MTCL1: variants seen among roughly 807,000 people sequenced by gnomAD.
MTCL1 encodes the protein microtubule crosslinking factor 1.
In MTCL1, 79 loss-of-function variants were observed where a neutral mutation model predicts 141.4. That is an observed-to-expected ratio of 0.56 (90% CI 0.47 to 0.67). The LOEUF (loss-of-function observed/expected upper bound fraction) is 0.67. MTCL1 is among the 30% of genes least tolerant of loss of function. The probability of loss-of-function intolerance (pLI) is 0.00; values close to 1 mark genes in which losing one functional copy is unlikely to be tolerated. For missense variants in MTCL1, 2,177 were observed against 2,113.9 expected (o/e 1.03, Z -0.59); for synonymous variants, 914 against 875.8 (o/e 1.04, Z -0.77).
In MTCL1 at chr18:8,783,512, G is replaced by A. The variant is rs1204564407; in HGVS notation, c.418-18G>A. ...TATTTTCAAATAACCCTTCTCCCGG[G>A]CTGTTCTCTCCTGGCAGGATGACAG... On this transcript the variant is annotated intron_variant, in intron 5 of 16. Transcript: ENST00000359865. 6.3e-7 allele frequency: 1 copy of A among 1,575,184 alleles called. No individual in the cohort carries two copies.
At chr18:8,804,509 G>A (rs2076226692) in intron 10 of MTCL1, among the ~76,000 whole-genome samples, 1 of 152,092 alleles carries the variant, frequency 6.6e-6, no homozygotes, top group Non-Finnish European at 1.5e-5. Flanking sequence ...GAGTATAGTG[G>A]TAATTTATTT....
chr18:8,711,666 T>C (rs1412026309), intron 1 of MTCL1, among the ~76,000 whole-genome samples: 1 of 151,684 alleles, frequency 6.6e-6, no homozygotes, highest in African/African-American at 2.4e-5. Flanking sequence ...TTTCATGTGT[T>C]TTTTGGCTGC....
chr18:8,762,873 T>A (rs2096440008), intron 4 of MTCL1, among the ~76,000 whole-genome samples: 1 of 152,148 alleles, frequency 6.6e-6, no homozygotes, highest in African/African-American at 2.4e-5. Context: ...GCGAGTGTGG[T>A]GCCCGGCTCA....
At chr18:8,775,042 A>C (rs1321861039) in intron 4 of MTCL1, among the ~76,000 whole-genome samples, 4 of 152,016 alleles carry the variant, frequency 2.6e-5, no homozygotes, top group Admixed American at 6.6e-5. Context: ...CCTCATTTGC[A>C]GCAGCCCATG....
chr18:8,742,860 G>A (rs1458004966), intron 4 of MTCL1, among the ~76,000 whole-genome samples: 1 of 152,210 alleles, frequency 6.6e-6, no homozygotes, highest in African/African-American at 2.4e-5. Flanking sequence ...GGGAGGAAGT[G>A]TGACACCAAT....
intron 4 of MTCL1, among the ~76,000 whole-genome samples, chr18:8,774,612 T>C (rs1314641): frequency 0.38 from 57,126 of 152,022 alleles, 12,571 homozygotes; most frequent in African/African-American, 0.6. Context: ...CTTTGTCTCC[T>C]GAGTAGCTGG....
At chr18:8,754,877 A>G (rs1035699166) in intron 4 of MTCL1, among the ~76,000 whole-genome samples, 1 of 152,184 alleles carries the variant, frequency 6.6e-6, no homozygotes, top group Non-Finnish European at 1.5e-5. Context: ...CATAGCTTGC[A>G]GGTGGAGTAC....
chr18:8,778,062 A>C (rs907310539), intron 5 of MTCL1, 170 bp downstream of exon 4: 2 of 522,570 alleles, frequency 3.8e-6, no homozygotes, highest in African/African-American at 3.9e-5. Context: ...TTTCTTTGCA[A>C]ACCCACAGCT....
rs927930743 is a variant in MTCL1 at position 8,791,541 on chromosome 18, A to G, written c.1888-1457A>G. On this transcript the variant is annotated intron_variant, in intron 7 of 16. Coordinates refer to ENST00000359865, the Ensembl canonical transcript of MTCL1. ...ACGGCAAATAGCAGGATTCAACCCT[A>G]AGACTGCAGGTAATAGAATTATCAG... Among the ~76,000 whole-genome samples, 5 of 151,646 alleles carry G rather than the reference A, an allele frequency of 3.3e-5. No individual in the cohort carries two copies. The South Asian group carries it at 1.1e-3, about 32-fold the overall frequency.
At chr18:8,809,323 AT>A (rs2076401992) in intron 11 of MTCL1, 2 of 1,232,996 alleles carry the variant, frequency 1.6e-6, no homozygotes, top group South Asian at 1.6e-5. Context: ...TTCCACTAAA[AT>A]TTAGCATGTC....
intron 10 of MTCL1, among the ~76,000 whole-genome samples, chr18:8,803,916 C>T (rs2144051517): frequency 6.6e-6 from 1 of 152,240 alleles, no homozygotes; most frequent in Non-Finnish European, 1.5e-5. Flanking sequence ...GTGTATGGGC[C>T]AAGAACAGCA....
intron 12 of MTCL1, among the ~76,000 whole-genome samples, chr18:8,814,637 G>A (rs951758941): frequency 6.6e-6 from 1 of 152,170 alleles, no homozygotes; most frequent in Non-Finnish European, 1.5e-5. Context: ...TAGTTGACCG[G>A]TGTCACAGTA....
intron 4 of MTCL1, among the ~76,000 whole-genome samples, chr18:8,731,383 A>G (rs2096249872): frequency 6.6e-6 from 1 of 151,942 alleles, no homozygotes; most frequent in Non-Finnish European, 1.5e-5. Context: ...AGACCAGCCT[A>G]GCCAACATGG....
chr18:8,815,172 C>T (rs924593267), intron 12 of MTCL1, among the ~76,000 whole-genome samples: 1 of 152,144 alleles, frequency 6.6e-6, no homozygotes, highest in Admixed American at 6.5e-5. Flanking sequence ...CACATGCACA[C>T]GTATGTTTAT....
At chr18:8,803,186 G>A (rs1481524826) in intron 10 of MTCL1, among the ~76,000 whole-genome samples, 1 of 150,918 alleles carries the variant, frequency 6.6e-6, no homozygotes, top group East Asian at 1.9e-4. Context: ...AGAAGAAAAA[G>A]AAAAAGGCTT....
chr18:8,709,107 G>A (rs1407622717), intron 1 of MTCL1, among the ~76,000 whole-genome samples: 1 of 152,242 alleles, frequency 6.6e-6, no homozygotes, highest in African/African-American at 2.4e-5. Flanking sequence ...AGAGGCAGTA[G>A]TCATGCCTTT....
intron 10 of MTCL1, chr18:8,800,728 T>C (rs2076091370): frequency 2.0e-5 from 3 of 152,260 alleles, no homozygotes; most frequent in South Asian, 2.1e-4. Context: ...AGGCTGTTTA[T>C]GCATTTCATG....
At chr18:8,764,178 G>A (rs1038321768) in intron 4 of MTCL1, among the ~76,000 whole-genome samples, 4 of 152,088 alleles carry the variant, frequency 2.6e-5, no homozygotes, top group South Asian at 2.1e-4. Context: ...AAAGGAGGGG[G>A]TGATTAGGAC....
intron 11 of MTCL1, among the ~76,000 whole-genome samples, chr18:8,811,409 C>A (rs1231065596): frequency 6.6e-6 from 1 of 152,204 alleles, no homozygotes; most frequent in Admixed American, 6.5e-5. Context: ...ATCTCCGACA[C>A]TGGGGATCAG....
Sources: gnomAD v4.1 joint callset for allele counts (sites outside exome capture counted in the v4.1 genomes callset) on GRCh38, gnomAD v4.1.1 for gene constraint, MANE v1.5 for transcripts, NCBI Gene and HGNC (gene_info 2026-07-23, HGNC 2026-07-21) for gene names.